Variants in ABHD3 observed in about 807,000 individuals in gnomAD.
The protein encoded by ABHD3 is phospholipase ABHD3.
A neutral mutation model predicts 48.8 loss-of-function variants in ABHD3; 46 were observed. That is an observed-to-expected ratio of 0.94 (90% CI 0.74 to 1.20). The LOEUF is 1.20. Ranked by LOEUF, ABHD3 falls within the 50% of genes most tolerant of loss-of-function variation. The pLI is 0.00. For synonymous variants in ABHD3, 192 were observed against 183.7 expected, an observed-to-expected ratio of 1.04 and a Z score of -0.36; for missense variants, 490 against 497.8, an observed-to-expected ratio of 0.98 and a Z score of 0.15.
At position 21,664,107 on chromosome 18, in the gene ABHD3, G is replaced by A; in HGVS notation, c.668+11C>T. 6.2e-7 allele frequency: 1 copy of A among 1,602,152 alleles called. No homozygotes were observed. Among genetic ancestry groups the A allele is most frequent in the Non-Finnish European group, 8.5e-7 (1 of 1,177,228 alleles). On this transcript the variant is annotated intron_variant, in intron 5 of 8. Coordinates refer to ENST00000289119, the MANE Select transcript of ABHD3 (RefSeq NM_138340.5). The stretch of plus-strand genomic sequence containing the variant: ...CCTCTCAGAGATTATTTTAGAAAGG[G>A]AAAACCTTACCCTCCCATTGAAACC...
intron 4 of ABHD3, among the ~76,000 whole-genome samples, chr18:21,680,445 G>A (rs548575304): frequency 6.6e-6 from 1 of 152,224 alleles, no homozygotes; most frequent in South Asian, 2.1e-4. Context: ...TAGCTGGTTA[G>A]TGGTGACAAC....
chr18:21,697,398 G>A (rs1008278276), intron 3 of ABHD3, among the ~76,000 whole-genome samples: 2 of 151,676 alleles, frequency 1.3e-5, no homozygotes, highest in African/African-American at 4.8e-5. Flanking sequence ...TAAAAAAACT[G>A]AGACAGAGTC....
At chr18:21,692,422 T>C (rs958185398) in intron 3 of ABHD3, among the ~76,000 whole-genome samples, 11 of 152,372 alleles carry the variant, frequency 7.2e-5, no homozygotes, top group African/African-American at 2.6e-4. Flanking sequence ...GGGCCTATCA[T>C]GTGGCAGGCA....
At chr18:21,664,627 C>CT (rs944182586) in intron 4 of ABHD3, 22 of 157,814 alleles carry the variant, frequency 1.4e-4, no homozygotes, top group Non-Finnish European at 1.9e-4. Flanking sequence ...ACAAAATAAC[C>CT]TTTTTTTTTG....
rs187787130 is a variant in ABHD3 at position 21,662,900 on chromosome 18, G to A, written c.668+1218C>T. Among the ~76,000 whole-genome samples, 10 of 152,268 alleles carry A rather than the reference G, an allele frequency of 6.6e-5. No individual in the cohort carries two copies. In the East Asian group the frequency reaches 9.6e-4, roughly 15 times the overall value. ...GCTCCGGCCTTTAGAAAAGCCATGC[G>A]TTTATATGATTAAGGGAAAAGTTCA... On this transcript the variant is annotated intron_variant, in intron 5 of 8. Transcript: ENST00000289119.
intron 4 of ABHD3, among the ~76,000 whole-genome samples, chr18:21,668,719 T>C (rs1440656432): frequency 2.0e-5 from 3 of 152,184 alleles, no homozygotes; most frequent in East Asian, 1.9e-4. Context: ...CCCTCAGATA[T>C]AGGGGCTGAT....
chr18:21,696,555 A>C (rs1384980642), intron 3 of ABHD3, among the ~76,000 whole-genome samples: 1 of 152,200 alleles, frequency 6.6e-6, no homozygotes, highest in Non-Finnish European at 1.5e-5. Flanking sequence ...CTATTAGGCT[A>C]TATTACTGGA....
At chr18:21,693,557 C>T (rs956516707) in intron 3 of ABHD3, among the ~76,000 whole-genome samples, 5 of 152,234 alleles carry the variant, frequency 3.3e-5, no homozygotes, top group South Asian at 4.1e-4. Flanking sequence ...GAGCTTTGTC[C>T]CTGAAGGTTT....
At chr18:21,691,345 T>C (rs533287739) in intron 3 of ABHD3, among the ~76,000 whole-genome samples, 11 of 152,250 alleles carry the variant, frequency 7.2e-5, no homozygotes, top group African/African-American at 2.6e-4. Flanking sequence ...CTTCTATCGA[T>C]AAAAGATAAA....
At chr18:21,687,614 A>AT (rs2040157142) in intron 3 of ABHD3, among the ~76,000 whole-genome samples, 1 of 152,178 alleles carries the variant, frequency 6.6e-6, no homozygotes, top group African/African-American at 2.4e-5. Context: ...TGCAAAGCAT[A>AT]TTTTTCCTAC....
chr18:21,682,239 G>A (rs1376935958), intron 4 of ABHD3: 5 of 152,154 alleles, frequency 3.3e-5, no homozygotes, highest in Admixed American at 2.6e-4. Context: ...TACATTCTAC[G>A]GATTACATAA....
chr18:21,683,256 A>G (rs141315616), intron 4 of ABHD3, among the ~76,000 whole-genome samples: 18 of 152,328 alleles, frequency 1.2e-4, no homozygotes, highest in African/African-American at 3.8e-4. Context: ...TCACGGATTT[A>G]AAGATCAGAT....
intron 3 of ABHD3, among the ~76,000 whole-genome samples, chr18:21,699,313 G>A (rs561447463): frequency 1.1e-3 from 173 of 152,242 alleles, no homozygotes; most frequent in African/African-American, 4.0e-3. Context: ...GTGGCAGTTC[G>A]AACATTTGAA....
At position 21,702,418 on chromosome 18, in the gene ABHD3, G is replaced by C. The variant is rs1034649171; in HGVS notation, c.407C>G (p.Ala136Gly). The C allele has an allele frequency of 6.2e-7, 1 of 1,613,944 alleles. No individual in the cohort carries two copies. The highest frequency in any genetic ancestry group is 8.5e-7 in the Non-Finnish European group (1 of 1,179,912). The change falls in exon 3 of 9, where the codon GCC becomes GGC. Residue 136 changes from alanine to glycine, a missense_variant. Ala to Gly is a moderately conservative substitution (Grantham distance 60). Coordinates refer to ENST00000289119, the MANE Select transcript of ABHD3 (RefSeq NM_138340.5). ...DNDNSTCYMD[A>G]STRPTILLLP... is the part of the protein sequence containing the mutation. ...CAATAAGATAGTAGGTCTGGTGCTGGCATCCATATAACACGTACTGTTATC... is the reference window on the plus strand; with the variant it reads ...CAATAAGATAGTAGGTCTGGTGCTGCCATCCATATAACACGTACTGTTATC...
chr18:21,668,307 T>C (rs1158342188), intron 4 of ABHD3, among the ~76,000 whole-genome samples: 1 of 151,374 alleles, frequency 6.6e-6, no homozygotes, highest in African/African-American at 2.4e-5. Flanking sequence ...GATGAAATCA[T>C]CCTTACTCAG....
At chr18:21,670,578 A>G (rs952324449) in intron 4 of ABHD3, among the ~76,000 whole-genome samples, 1 of 152,098 alleles carries the variant, frequency 6.6e-6, no homozygotes, top group African/African-American at 2.4e-5. Context: ...GTATTTTATT[A>G]TTTCTCCAAA....
intron 4 of ABHD3, among the ~76,000 whole-genome samples, chr18:21,673,015 T>C (rs1340813998): frequency 6.6e-6 from 1 of 152,174 alleles, no homozygotes; most frequent in Admixed American, 6.5e-5. Context: ...ATGCTCATGA[T>C]GTCAGGTTAT....
intron 3 of ABHD3, chr18:21,701,225 T>A (rs912558514): frequency 6.6e-6 from 1 of 151,980 alleles, no homozygotes; most frequent in Non-Finnish European, 1.5e-5. Flanking sequence ...TTTTTTTTTT[T>A]TCTTTTTGCC....
At chr18:21,653,235 G>A (rs1183882562) in intron 8 of ABHD3, among the ~76,000 whole-genome samples, 10 of 151,044 alleles carry the variant, frequency 6.6e-5, no homozygotes, top group Admixed American at 2.0e-4. Context: ...GGTGGTGCAC[G>A]CCTGTAATCC....
Sources: gnomAD v4.1 joint callset for allele counts (sites outside exome capture counted in the v4.1 genomes callset) on GRCh38, gnomAD v4.1.1 for gene constraint, MANE v1.5 for transcripts, NCBI Gene and HGNC (gene_info 2026-07-23, HGNC 2026-07-21) for gene names.